ADAMDEC1: variants seen among roughly 807,000 people sequenced by gnomAD.
ADAMDEC1 encodes ADAM DEC1.
ADAMDEC1 carries 62 observed loss-of-function variants against 60.4 expected under a neutral mutation model. That is an observed-to-expected ratio of 1.03 (90% confidence interval 0.84 to 1.27). The LOEUF (loss-of-function observed/expected upper bound fraction) is 1.27, where lower values mean the gene tolerates loss of function less well. ADAMDEC1 is among the 50% of genes most tolerant of loss of function. The pLI is 0.00. For missense variants in ADAMDEC1, 595 were observed against 565.0 expected, an observed-to-expected ratio of 1.05 and a Z score of -0.54; for synonymous variants, 210 against 195.1, an observed-to-expected ratio of 1.08 and a Z score of -0.64.
intron 10 of ADAMDEC1, 118 bp from the exon 11 acceptor site, chr8:24,400,052 T>G (rs756063387): frequency 1.3e-6 from 1 of 789,126 alleles, no homozygotes; most frequent in Non-Finnish European, 1.8e-6. Context: ...CAATACACAG[T>G]GACAGGGAAA....
chr8:24,403,086 A>C (rs1817804944), intron 12 of ADAMDEC1, among the ~76,000 whole-genome samples: 1 of 152,156 alleles, frequency 6.6e-6, no homozygotes, highest in South Asian at 2.1e-4. Context: ...ATGAAGGAAG[A>C]GGCCAAGAGA....
At chr8:24,394,037 G>A (rs1474718396) in intron 3 of ADAMDEC1, 32 bp from the exon 4 acceptor site, 2 of 1,473,670 alleles carry the variant, frequency 1.4e-6, no homozygotes, top group African/African-American at 1.4e-5. Flanking sequence ...TTACCATCCT[G>A]AGTGGTCCAT....
chr8:24,399,051 G>A lies in ADAMDEC1; in HGVS notation c.929+11G>A. On this transcript the variant is annotated intron_variant, in intron 9 of 13. Transcript: ENST00000256412. ...TGCTCAGCTTCTCAGGTGAGCACAT[G>A]CTGGCCAGGTGAATGTAGGCAGAAT... is the stretch of plus-strand genomic sequence containing the variant. 1.2e-6 allele frequency: 2 copies of A among 1,608,670 alleles called. No individual in the cohort carries two copies. The highest frequency in any genetic ancestry group is 8.5e-7 in the Non-Finnish European group (1 of 1,177,506).
chr8:24,384,607 A>C lies in ADAMDEC1; in HGVS notation c.88+15A>C. 1 of 1,589,948 alleles carries C rather than the reference A, an allele frequency of 6.3e-7. No homozygotes were observed. Among genetic ancestry groups the C allele is most frequent in the Non-Finnish European group, 8.5e-7 (1 of 1,170,900 alleles). On this transcript the variant is annotated intron_variant, in intron 1 of 13. Transcript: ENST00000256412. The stretch of plus-strand genomic sequence containing the variant: ...TCAAACTCAAGGTACGTACCATCAC[A>C]CCAGCATTTTACATAAAAGTCAAAT...
chr8:24,391,649 C>T (rs553765817), intron 1 of ADAMDEC1, among the ~76,000 whole-genome samples: 85 of 152,246 alleles, frequency 5.6e-4, no homozygotes, highest in African/African-American at 2.0e-3. Context: ...CCAACAAAAA[C>T]TTTATTTCTT....
intron 3 of ADAMDEC1, 134 bp downstream of exon 3, chr8:24,393,472 G>A (rs886515626): frequency 2.0e-6 from 1 of 504,592 alleles, no homozygotes; most frequent in East Asian, 3.2e-5. Context: ...ATACTAGTTT[G>A]TGCTAAAAAG....
Position 24,394,133 on chromosome 8 carries a change from A to G in ADAMDEC1, c.349A>G (p.Lys117Glu). The G allele has an allele frequency of 1.2e-6, 2 of 1,611,664 alleles. No individual in the cohort carries two copies. The highest frequency in any genetic ancestry group is 1.7e-6 in the Non-Finnish European group (2 of 1,177,894). The change falls in exon 4 of 14, where the codon AAA becomes GAA. Residue 117 changes from lysine (K) to glutamate (E), a missense_variant. Lys to Glu is a moderately conservative substitution (Grantham distance 56). Coordinates refer to ENST00000256412, the MANE Select transcript of ADAMDEC1 (RefSeq NM_014479.3). ...YSPRGEEITT[K>E]PENMEHCYYK... ...ACCCAGAGGAGAGGAAATTACCACGAAACCTGAGAACATGGTAGGGTCCGA... is the reference window on the plus strand; with the variant it reads ...ACCCAGAGGAGAGGAAATTACCACGGAACCTGAGAACATGGTAGGGTCCGA...
At chr8:24,403,977 T>G in intron 12 of ADAMDEC1, 26 bp from the exon 13 acceptor site, 1 of 1,601,662 alleles carries the variant, frequency 6.2e-7, no homozygotes, top group East Asian at 2.2e-5. Context: ...GAACCCACCT[T>G]TTTCCATTGT....
At chr8:24,399,569 T>A in intron 10 of ADAMDEC1, 95 bp downstream of exon 10, 1 of 1,011,790 alleles carries the variant, frequency 9.9e-7, no homozygotes, top group Non-Finnish European at 1.6e-6. Context: ...GAACATTTGC[T>A]GAATCAATGA....
In ADAMDEC1 at chr8:24,397,470, C is replaced by T. The variant is rs1417079833; in HGVS notation, c.627+14C>T. 3 of 1,608,326 alleles carry T rather than the reference C, an allele frequency of 1.9e-6. No individual in the cohort carries two copies. In the Admixed American group the frequency reaches 5.2e-5, roughly 28 times the overall value. ...AAAAGCCCAGAGGTGAATACAATTC[C>T]CTTACCTCATCATTTACTTCAATTG... On this transcript the variant is annotated intron_variant, in intron 6 of 13. Coordinates refer to ENST00000256412, the MANE Select transcript of ADAMDEC1 (RefSeq NM_014479.3).
rs780461323 is a variant in ADAMDEC1 at position 24,399,440 on chromosome 8, C to G, written c.977C>G (p.Ser326Cys). Residue 326 changes from serine (S) to cysteine (C), a missense_variant, in exon 10 of 14, where the codon TCC becomes TGC. Transcript: ENST00000256412. ...CGTGTGGGACTGGCAGCTTCAAATT[C>G]CTTGTGTTCCCCATCTTCGGTTGCT... ...NRRVGLAASN[S>C]LCSPSSVAVI... is the part of the protein sequence containing the mutation. 8 of 1,613,742 alleles carry G rather than the reference C, an allele frequency of 5.0e-6. No homozygotes were observed. The African/African-American group carries it at 8.0e-5, about 16-fold the overall frequency.
intron 12 of ADAMDEC1, among the ~76,000 whole-genome samples, chr8:24,402,855 GA>G (rs1311670396): frequency 1.1e-4 from 16 of 152,152 alleles, no homozygotes; most frequent in Admixed American, 1.0e-3. Flanking sequence ...AGTCATTTGT[GA>G]AGAATATTGT....
Position 24,397,698 on chromosome 8 carries a change from C to A in ADAMDEC1, c.643C>A (p.Arg215=), listed in dbSNP as rs541880302. Residue 215 remains arginine, a synonymous_variant, in exon 7 of 14, where the codon CGG becomes AGG. Transcript: ENST00000256412. ...CTTTGTAAAGAAAGAAGACTTTCTT[C>A]GGGCACAGAAATACATTGATCTCTA... ...LKSPEKEDFL[R]AQKYIDLYLV... 6.2e-7 allele frequency: 1 copy of A among 1,612,990 alleles called. No individual in the cohort carries two copies. The highest frequency in any genetic ancestry group is 8.5e-7 in the Non-Finnish European group (1 of 1,179,400).
intron 1 of ADAMDEC1, among the ~76,000 whole-genome samples, chr8:24,385,870 G>T (rs1434649420): frequency 6.6e-6 from 1 of 152,028 alleles, no homozygotes; most frequent in Non-Finnish European, 1.5e-5. Context: ...AACTGTGCCT[G>T]TGCTGTCGGA....
At chr8:24,392,179 C>T in intron 1 of ADAMDEC1, 83 bp from the exon 2 acceptor site, 1 of 995,416 alleles carries the variant, frequency 1.0e-6, no homozygotes, top group Non-Finnish European at 1.5e-6. Context: ...CTTTCAGCAA[C>T]CCAAGAAATG....
chr8:24,397,763 G>A lies in ADAMDEC1; in HGVS notation c.690+18G>A, dbSNP rs1287210044. The A allele has an allele frequency of 8.1e-6, 13 of 1,606,530 alleles. No homozygotes were observed. Among genetic ancestry groups the A allele is most frequent in the Admixed American group, 6.8e-5 (4 of 58,974 alleles). On this transcript the variant is annotated intron_variant, in intron 7 of 13. Transcript: ENST00000256412. ...ATGCCTTTGTGAGTATGAAACACAC[G>A]GCCCTCTCGGCCAGTTCAGTCACCC...
At position 24,396,348 on chromosome 8, in the gene ADAMDEC1, A is replaced by C. The variant is rs554567564; in HGVS notation, c.440+552A>C. Reference sequence around the variant, plus strand: ...ACACGGTGAAACCCCATCTCTACTAAAAATACAAAAAAAAATAGCCGAGTG... The same window carrying C: ...ACACGGTGAAACCCCATCTCTACTACAAATACAAAAAAAAATAGCCGAGTG... On this transcript the variant is annotated intron_variant, in intron 5 of 13. Coordinates refer to ENST00000256412, the MANE Select transcript of ADAMDEC1 (RefSeq NM_014479.3). 2.0e-4 allele frequency among the ~76,000 whole-genome samples: 31 copies of C among 152,106 alleles called. No homozygotes were observed. The East Asian group carries it at 5.0e-3, about 25-fold the overall frequency.
rs1168762944 is a variant in ADAMDEC1, at chr8:24,390,786, A to ATT, written c.89-1467_89-1466dup. 2.7e-5 allele frequency among the ~76,000 whole-genome samples: 4 copies of ATT among 149,638 alleles called. 1 individual carries two copies. The highest frequency in any genetic ancestry group is 9.8e-5 in the African/African-American group (4 of 40,846). On this transcript the variant is annotated intron_variant, in intron 1 of 13. Transcript: ENST00000256412. ...AAACAACACTGTTGGATTTGGTTTT[A>ATT]TTTTTTTTTTATTTGTTTTTTACTT... is the stretch of plus-strand genomic sequence containing the variant.
chr8:24,403,736 A>T (rs1817821541), intron 12 of ADAMDEC1, among the ~76,000 whole-genome samples: 1 of 151,980 alleles, frequency 6.6e-6, no homozygotes, highest in Non-Finnish European at 1.5e-5. Flanking sequence ...TTTAGTTTGG[A>T]CTTACACATC....
Sources: allele counts gnomAD v4.1 joint callset (sites outside exome capture counted in the v4.1 genomes callset), GRCh38; gene constraint gnomAD v4.1.1; transcripts MANE v1.5; gene names NCBI Gene and HGNC (gene_info 2026-07-23, HGNC 2026-07-21).